TENM4: variants seen among roughly 807,000 people sequenced by gnomAD.
TENM4 encodes the protein teneurin-4.
In TENM4, 82 loss-of-function variants were observed where a neutral mutation model predicts 243.3. The observed-to-expected ratio is 0.34, with a 90% CI of 0.28 to 0.40. The LOEUF (loss-of-function observed/expected upper bound fraction) is 0.40. TENM4 is among the 10% of genes least tolerant of loss of function. The pLI is 1.00. For synonymous variants in TENM4, 1,412 were observed against 1,456.3 expected (o/e 0.97, Z 0.69); for missense variants, 3,138 against 3,673.3 (o/e 0.85, Z 3.77).
At chr11:79,426,990 T>C (rs1167005408) in intron 1 of TENM4, among the ~76,000 whole-genome samples, 1 of 152,224 alleles carries the variant, frequency 6.6e-6, no homozygotes, top group Non-Finnish European at 1.5e-5. Context: ...AGTGACCATC[T>C]ACCCCTGTGT....
At chr11:79,287,635 C>T (rs186999519) in intron 2 of TENM4, among the ~76,000 whole-genome samples, 6 of 152,156 alleles carry the variant, frequency 3.9e-5, no homozygotes. Flanking sequence ...ATTATAATGG[C>T]CATTTTCAAC....
At chr11:79,421,245 A>G (rs1366868152) in intron 1 of TENM4, among the ~76,000 whole-genome samples, 1 of 152,192 alleles carries the variant, frequency 6.6e-6, no homozygotes, top group Non-Finnish European at 1.5e-5. Context: ...GTTTTCATAA[A>G]TAAAGTCACC....
intron 4 of TENM4, among the ~76,000 whole-genome samples, chr11:79,072,089 G>T (rs2137006975): frequency 6.6e-6 from 1 of 152,290 alleles, no homozygotes; most frequent in South Asian, 2.1e-4. Flanking sequence ...CAAGATGATA[G>T]TCCTCTGAGT....
chr11:79,255,777 T>G (rs1855691361), intron 2 of TENM4, among the ~76,000 whole-genome samples: 1 of 152,228 alleles, frequency 6.6e-6, no homozygotes, highest in Admixed American at 6.5e-5. Flanking sequence ...CACAATCTTG[T>G]TAAGACTCTA....
chr11:79,116,474 A>G (rs1861623500), intron 4 of TENM4, among the ~76,000 whole-genome samples: 1 of 150,658 alleles, frequency 6.6e-6, no homozygotes, highest in Non-Finnish European at 1.5e-5. Flanking sequence ...GTCTAAGTCA[A>G]GTTGACGTTG....
At chr11:78,943,166 A>T (rs1283949260) in intron 6 of TENM4, among the ~76,000 whole-genome samples, 1 of 152,250 alleles carries the variant, frequency 6.6e-6, no homozygotes, top group East Asian at 1.9e-4. Context: ...GAGTTTGCTC[A>T]GACAGCAAAC....
chr11:79,420,962 G>A (rs1168454531), intron 1 of TENM4, among the ~76,000 whole-genome samples: 1 of 152,174 alleles, frequency 6.6e-6, no homozygotes, highest in Non-Finnish European at 1.5e-5. Flanking sequence ...TAGCTTTGCT[G>A]TAAGTGAAAA....
At chr11:78,676,666 T>G (rs2135698742) in intron 29 of TENM4, among the ~76,000 whole-genome samples, 1 of 152,362 alleles carries the variant, frequency 6.6e-6, no homozygotes, top group South Asian at 2.1e-4. Context: ...TTTAAAACAG[T>G]TATACAGTTT....
intron 2 of TENM4, among the ~76,000 whole-genome samples, chr11:79,279,714 G>A (rs1022380352): frequency 6.6e-6 from 1 of 152,138 alleles, no homozygotes; most frequent in Non-Finnish European, 1.5e-5. Flanking sequence ...CCAGGTCTCA[G>A]GGCCTTTATG....
intron 6 of TENM4, among the ~76,000 whole-genome samples, chr11:79,011,665 C>T (rs890934103): frequency 2.0e-5 from 3 of 152,218 alleles, no homozygotes; most frequent in East Asian, 1.9e-4. Context: ...AGCCCCTATC[C>T]AGCTTCATGG....
At chr11:79,177,107 A>G (rs1178447997) in intron 3 of TENM4, among the ~76,000 whole-genome samples, 1 of 152,092 alleles carries the variant, frequency 6.6e-6, no homozygotes, top group Non-Finnish European at 1.5e-5. Context: ...GTGGCCTAGA[A>G]CAGTTGTTTT....
At chr11:78,810,056 A>AG (rs60789826) in intron 14 of TENM4, among the ~76,000 whole-genome samples, 1 of 152,124 alleles carries the variant, frequency 6.6e-6, no homozygotes, top group African/African-American at 2.4e-5. Flanking sequence ...AGAAGAAGGA[A>AG]GGGGGAGAAA....
intron 18 of TENM4, among the ~76,000 whole-genome samples, chr11:78,761,264 T>G (rs1164194411): frequency 6.6e-6 from 1 of 151,392 alleles, no homozygotes; most frequent in Non-Finnish European, 1.5e-5. Flanking sequence ...TTTTGAGACG[T>G]TGTCTCGCTC....
intron 29 of TENM4, among the ~76,000 whole-genome samples, chr11:78,686,708 T>C (rs1858684906): frequency 6.6e-6 from 1 of 152,192 alleles, no homozygotes; most frequent in African/African-American, 2.4e-5. Flanking sequence ...CCTCTGCCTA[T>C]ATTTGGTCAC....
chr11:78,850,343 A>G (rs1188596710), intron 12 of TENM4, among the ~76,000 whole-genome samples: 1 of 152,236 alleles, frequency 6.6e-6, no homozygotes, highest in Non-Finnish European at 1.5e-5. Context: ...GACATCTCAG[A>G]TCTTCTTAAA....
intron 4 of TENM4, among the ~76,000 whole-genome samples, chr11:79,137,137 T>G (rs1475943609): frequency 6.6e-6 from 1 of 152,098 alleles, no homozygotes; most frequent in African/African-American, 2.4e-5. Flanking sequence ...GCCTAGAGGT[T>G]TTAGTTCCAG....
chr11:79,200,318 G>A (rs1863713999), intron 3 of TENM4, among the ~76,000 whole-genome samples: 1 of 152,364 alleles, frequency 6.6e-6, no homozygotes, highest in Middle Eastern at 3.4e-3. Context: ...ATAGTGGGGA[G>A]AGCTAGAGCT....
At chr11:79,335,874 G>A (rs1857139536) in intron 1 of TENM4, among the ~76,000 whole-genome samples, 1 of 152,154 alleles carries the variant, frequency 6.6e-6, no homozygotes, top group African/African-American at 2.4e-5. Context: ...GGGTAACTGG[G>A]AATCACCAGA....
chr11:79,177,524 T>C (rs1490184404), intron 3 of TENM4, among the ~76,000 whole-genome samples: 1 of 152,168 alleles, frequency 6.6e-6, no homozygotes, highest in Admixed American at 6.5e-5. Context: ...AAGCCCCTAC[T>C]TCAATGTTAG....
Sources: allele counts gnomAD v4.1 joint callset (sites outside exome capture counted in the v4.1 genomes callset), GRCh38; gene constraint gnomAD v4.1.1; transcripts MANE v1.5; gene names NCBI Gene and HGNC (gene_info 2026-07-23, HGNC 2026-07-21).